The following DPYSL3 variants were observed in gnomAD, a reference collection of about 807,000 sequenced individuals.
DPYSL3 encodes the protein dihydropyrimidinase-related protein 3.
DPYSL3 carries 16 observed loss-of-function variants against 66.1 expected under a neutral mutation model. That is an observed-to-expected ratio of 0.24 (90% confidence interval 0.16 to 0.37). The LOEUF is 0.37. Among genes scored for constraint, DPYSL3 ranks in the 10% least tolerant of loss-of-function variants. The pLI, the probability that DPYSL3 is intolerant of heterozygous loss-of-function variation, is 1.00. For synonymous variants in DPYSL3, 338 were observed against 345.1 expected (o/e 0.98, Z 0.23); for missense variants, 738 against 916.2 (o/e 0.81, Z 2.51).
At chr5:147,396,177 A>T (rs912993346) in intron 12 of DPYSL3, among the ~76,000 whole-genome samples, 2 of 152,084 alleles carry the variant, frequency 1.3e-5, no homozygotes, top group African/African-American at 4.8e-5. Context: ...CCAGGATGGG[A>T]TCACATGGGA....
chr5:147,497,297 GC>G (rs1414770489), intron 1 of DPYSL3, among the ~76,000 whole-genome samples: 3 of 151,808 alleles, frequency 2.0e-5, no homozygotes, highest in Non-Finnish European at 4.4e-5. Flanking sequence ...TATACCTAAT[GC>G]TAAATGACGA....
At chr5:147,439,913 G>T (rs1056434630) in intron 1 of DPYSL3, among the ~76,000 whole-genome samples, 2 of 152,270 alleles carry the variant, frequency 1.3e-5, no homozygotes, top group South Asian at 2.1e-4. Flanking sequence ...TATATTTCAG[G>T]ATTGATAGAC....
At chr5:147,402,312 C>T (rs1306571498) in intron 8 of DPYSL3, among the ~76,000 whole-genome samples, 5 of 152,034 alleles carry the variant, frequency 3.3e-5, no homozygotes, top group African/African-American at 1.2e-4. Flanking sequence ...AAAGTAAAAT[C>T]CATTCCTGTG....
rs1377236546 is a variant in DPYSL3, at chr5:147,412,632, A to C, written c.939T>G (p.Ala313=). 2 of 1,613,010 alleles carry C rather than the reference A, an allele frequency of 1.2e-6. No individual in the cohort carries two copies. Among genetic ancestry groups the C allele is most frequent in the Admixed American group, 1.7e-5 (1 of 59,894 alleles). Residue 313 remains alanine (A), a synonymous_variant, in exon 6 of 14, where the codon GCT becomes GCG. Coordinates refer to ENST00000343218, the MANE Select transcript of DPYSL3 (RefSeq NM_001197294.2). ...CCTGGGCAATGATATCCCCATTCTC[A>C]GCATGAACTTGAGCAATGGCCCCCA... ...GELGAIAQVH[A]ENGDIIAQEQ...
chr5:147,401,668 A>G lies in DPYSL3; in HGVS notation c.1182T>C (p.Thr394=). 6.2e-7 allele frequency: 1 copy of G among 1,614,180 alleles called. No individual in the cohort carries two copies. Among genetic ancestry groups the G allele is most frequent in the Non-Finnish European group, 8.5e-7 (1 of 1,180,018 alleles). The change falls in exon 9 of 14, where the codon ACT becomes ACC. Residue 394 remains threonine (T), a synonymous_variant. Transcript: ENST00000343218. The stretch of plus-strand genomic sequence containing the variant: ...GGGTTCCATCTATGCCGAGGCTGGC[A>G]GTGATGGGCTCACCAAAGACTACAT... The part of the protein sequence containing the change: ...KGNVVFGEPI[T]ASLGIDGTHY...
chr5:147,404,432 C>A (rs976986690), intron 8 of DPYSL3, among the ~76,000 whole-genome samples: 7 of 152,238 alleles, frequency 4.6e-5, no homozygotes, highest in Non-Finnish European at 1.0e-4. Flanking sequence ...TTAGCTACTG[C>A]AATCACTCAC....
chr5:147,419,694 G>A lies in DPYSL3; in HGVS notation c.471-1063C>T, dbSNP rs964388071. ...CAGCCAAGAAAGACACTCTCTTGGG[G>A]CAGTAAGAAGTCTACCACTGGCCTC... On this transcript the variant is annotated intron_variant, in intron 2 of 13. Coordinates refer to ENST00000343218, the MANE Select transcript of DPYSL3 (RefSeq NM_001197294.2). 2.0e-5 allele frequency among the ~76,000 whole-genome samples: 3 copies of A among 152,096 alleles called. 1 individual carries two copies. In the East Asian group the frequency reaches 5.8e-4, roughly 29 times the overall value.
At chr5:147,508,594 AAT>A (rs1340974968) in intron 1 of DPYSL3, among the ~76,000 whole-genome samples, 1 of 152,196 alleles carries the variant, frequency 6.6e-6, no homozygotes, top group Non-Finnish European at 1.5e-5. Flanking sequence ...GTCTCTGTGA[AAT>A]AGACACATAA....
chr5:147,460,639 A>G (rs1752917817), intron 1 of DPYSL3, among the ~76,000 whole-genome samples: 1 of 152,206 alleles, frequency 6.6e-6, no homozygotes, highest in South Asian at 2.1e-4. Flanking sequence ...CACTGTGTCT[A>G]GACACCAGTA....
intron 1 of DPYSL3, among the ~76,000 whole-genome samples, chr5:147,477,561 C>CTTTTT (rs56406515): frequency 3.4e-4 from 22 of 64,762 alleles, no homozygotes; most frequent in African/African-American, 6.7e-4. Context: ...ACACCTAAAT[C>CTTTTT]TTTTTTTTTT....
intron 1 of DPYSL3, among the ~76,000 whole-genome samples, chr5:147,433,968 T>C (rs918003487): frequency 1.3e-5 from 2 of 150,428 alleles, no homozygotes; most frequent in Non-Finnish European, 2.9e-5. Flanking sequence ...AGTCAGAGGT[T>C]GCAGTGAGCT....
intron 1 of DPYSL3, among the ~76,000 whole-genome samples, chr5:147,452,889 A>G (rs979483542): frequency 3.6e-5 from 4 of 110,890 alleles, no homozygotes; most frequent in Non-Finnish European, 5.5e-5. Context: ...AGGCACACAC[A>G]CACACACACA....
chr5:147,447,189 T>C (rs901550629), intron 1 of DPYSL3, among the ~76,000 whole-genome samples: 2 of 152,210 alleles, frequency 1.3e-5, no homozygotes, highest in Non-Finnish European at 2.9e-5. Context: ...CCATGCTTAG[T>C]CCCATATTTC....
At chr5:147,408,641 T>C (rs1387501451) in intron 7 of DPYSL3, 87 bp downstream of exon 7, 14 of 1,419,220 alleles carry the variant, frequency 9.9e-6, no homozygotes, top group African/African-American at 1.4e-5. Flanking sequence ...AATGTTCCAA[T>C]ACTGCAACCT....
At chr5:147,417,885 C>T (rs539296846) in intron 3 of DPYSL3, among the ~76,000 whole-genome samples, 5 of 152,240 alleles carry the variant, frequency 3.3e-5, no homozygotes, top group South Asian at 2.1e-4. Context: ...ATGCCTCCAG[C>T]GCCAGTTGCT....
intron 1 of DPYSL3, among the ~76,000 whole-genome samples, chr5:147,460,492 G>A (rs566249580): frequency 1.3e-5 from 2 of 152,258 alleles, no homozygotes; most frequent in Admixed American, 6.5e-5. Flanking sequence ...GGGATTTTGT[G>A]ATTAAGTTAA....
At chr5:147,444,960 T>A (rs1271247078) in intron 1 of DPYSL3, among the ~76,000 whole-genome samples, 1 of 151,870 alleles carries the variant, frequency 6.6e-6, no homozygotes, top group Non-Finnish European at 1.5e-5. Context: ...ATCTAGTTGC[T>A]GCTAATAACT....
At chr5:147,426,000 ACCATCCATCCATCCAT>A (rs375856381) in intron 1 of DPYSL3, among the ~76,000 whole-genome samples, 283 of 150,130 alleles carry the variant, frequency 1.9e-3, no homozygotes, top group Non-Finnish European at 1.5e-3. Flanking sequence ...TTCAACTCCA[ACCATCCATCCATCCAT>A]CCATCCATCC....
At chr5:147,432,317 T>C (rs939542945) in intron 1 of DPYSL3, among the ~76,000 whole-genome samples, 1 of 152,190 alleles carries the variant, frequency 6.6e-6, no homozygotes, top group Admixed American at 6.5e-5. Context: ...GAGGCAGCAG[T>C]AGCCCAGGGC....
Sources: allele counts gnomAD v4.1 joint callset (sites outside exome capture counted in the v4.1 genomes callset), GRCh38; gene constraint gnomAD v4.1.1; transcripts MANE v1.5; gene names NCBI Gene and HGNC (gene_info 2026-07-23, HGNC 2026-07-21).